Variants in SEZ6L observed in about 807,000 individuals in gnomAD.
SEZ6L encodes the protein seizure 6-like protein.
In SEZ6L, 37 loss-of-function variants were observed where a neutral mutation model predicts 106.2. The ratio of observed to expected loss-of-function variants is 0.35; its 90% CI spans 0.27 to 0.46. The LOEUF (loss-of-function observed/expected upper bound fraction) is 0.46, where lower values mean the gene tolerates loss of function less well. Ranked by LOEUF, SEZ6L falls within the 20% of genes least tolerant of loss-of-function variation. The pLI is 1.00. For missense variants in SEZ6L, 1,172 were observed against 1,332.8 expected (o/e 0.88, Z 1.88); for synonymous variants, 541 against 570.4 (o/e 0.95, Z 0.73).
chr22:26,217,291 A>G (rs1285867628), intron 1 of SEZ6L, among the ~76,000 whole-genome samples: 1 of 151,530 alleles, frequency 6.6e-6, no homozygotes, highest in Non-Finnish European at 1.5e-5. Flanking sequence ...CCAAACCCAG[A>G]CTCTTCTTTG....
chr22:26,278,829 CAG>C (rs1218698464), intron 1 of SEZ6L, among the ~76,000 whole-genome samples: 1 of 94,032 alleles, frequency 1.1e-5, no homozygotes, highest in African/African-American at 4.2e-5. Flanking sequence ...GAGAAAGAAA[CAG>C]AAAAAGAAAA....
At chr22:26,319,686 C>T (rs766616387) in intron 9 of SEZ6L, among the ~76,000 whole-genome samples, 1 of 152,186 alleles carries the variant, frequency 6.6e-6, no homozygotes, top group Admixed American at 6.6e-5. Flanking sequence ...TAACACACTA[C>T]GCATTGTGGT....
chr22:26,292,787 C>T lies in SEZ6L; in HGVS notation c.476C>T (p.Ser159Phe), dbSNP rs373898124. ...PASQGLDLLS[S>F]STEKPGPPGD... The stretch of plus-strand genomic sequence containing the variant: ...TCCCAGGGCCTAGATCTCCTCTCCT[C>T]CTCCACGGAGAAGCCTGGCCCACCG... Residue 159 changes from serine to phenylalanine, a missense_variant, in exon 2 of 17, where the codon TCC (serine) becomes TTC (phenylalanine). Coordinates refer to ENST00000248933, the MANE Select transcript of SEZ6L (RefSeq NM_021115.5). 3 of 1,614,032 alleles carry T rather than the reference C, an allele frequency of 1.9e-6. No homozygotes were observed. Among genetic ancestry groups the T allele is most frequent in the South Asian group, 1.1e-5 (1 of 91,092 alleles).
intron 1 of SEZ6L, among the ~76,000 whole-genome samples, chr22:26,269,479 C>T (rs1393580169): frequency 6.6e-6 from 1 of 151,924 alleles, no homozygotes; most frequent in African/African-American, 2.4e-5. Flanking sequence ...AAGATTGGAA[C>T]CCTAACCTCG....
At chr22:26,266,222 C>G (rs1352853067) in intron 1 of SEZ6L, among the ~76,000 whole-genome samples, 2 of 151,092 alleles carry the variant, frequency 1.3e-5, no homozygotes, top group African/African-American at 4.9e-5. Context: ...CAGAGATGAT[C>G]TGTGACTATT....
intron 13 of SEZ6L, among the ~76,000 whole-genome samples, chr22:26,372,375 T>G (rs2084066426): frequency 6.6e-6 from 1 of 152,210 alleles, no homozygotes; most frequent in African/African-American, 2.4e-5. Context: ...ACGGTGCAAC[T>G]CACATCTTGG....
chr22:26,374,423 C>T (rs1204973232), intron 14 of SEZ6L, among the ~76,000 whole-genome samples: 4 of 151,894 alleles, frequency 2.6e-5, no homozygotes, highest in African/African-American at 4.8e-5. Flanking sequence ...TGAATCCAAG[C>T]AGGTGGAACT....
intron 1 of SEZ6L, among the ~76,000 whole-genome samples, chr22:26,243,703 T>C (rs2079217099): frequency 2.0e-5 from 3 of 152,008 alleles, no homozygotes; most frequent in South Asian, 2.1e-4. Context: ...TGAGAAGAGA[T>C]TATAAAAAGG....
chr22:26,175,939 T>A (rs1023207093), intron 1 of SEZ6L, among the ~76,000 whole-genome samples: 1 of 152,220 alleles, frequency 6.6e-6, no homozygotes, highest in Non-Finnish European at 1.5e-5. Context: ...AAATCAGTCC[T>A]TGAGGAAGTA....
chr22:26,335,600 T>G (rs1400365360), intron 9 of SEZ6L, among the ~76,000 whole-genome samples: 3 of 152,102 alleles, frequency 2.0e-5, no homozygotes, highest in Non-Finnish European at 4.4e-5. Flanking sequence ...TTTGCTGGGG[T>G]TCTATCACCC....
chr22:26,373,862 G>T (rs1309367355), intron 14 of SEZ6L, among the ~76,000 whole-genome samples: 1 of 152,174 alleles, frequency 6.6e-6, no homozygotes, highest in African/African-American at 2.4e-5. Context: ...CTGGTTTCCA[G>T]AGGGAAGAGT....
intron 11 of SEZ6L, among the ~76,000 whole-genome samples, chr22:26,348,626 A>G (rs1317086804): frequency 5.2e-4 from 18 of 34,796 alleles, no homozygotes; most frequent in African/African-American, 9.6e-4. Flanking sequence ...GAAAGAAAGA[A>G]AGAAAGAAAG....
chr22:26,248,170 G>A (rs1011995388), intron 1 of SEZ6L, among the ~76,000 whole-genome samples: 8 of 152,188 alleles, frequency 5.3e-5, no homozygotes, highest in Admixed American at 4.6e-4. Flanking sequence ...CAGGTAGTTC[G>A]TAGAAGTCAC....
At chr22:26,188,639 G>A (rs563290416) in intron 1 of SEZ6L, among the ~76,000 whole-genome samples, 10 of 152,232 alleles carry the variant, frequency 6.6e-5, no homozygotes, top group African/African-American at 2.4e-4. Flanking sequence ...CTAGGTATTC[G>A]GCACTCTGTA....
chr22:26,298,569 A>T (rs7292327), intron 4 of SEZ6L, among the ~76,000 whole-genome samples: 32,070 of 152,108 alleles, frequency 0.21, 3,709 homozygotes, highest in African/African-American at 0.3. Flanking sequence ...TCCTTGGGCA[A>T]TTCCCAAAGA....
At chr22:26,375,203 C>T (rs145466334) in intron 14 of SEZ6L, among the ~76,000 whole-genome samples, 27 of 152,284 alleles carry the variant, frequency 1.8e-4, no homozygotes, top group Admixed American at 7.8e-4. Context: ...CTTCTCCACT[C>T]CATGGAATGT....
chr22:26,359,671 G>C (rs2083548826), intron 12 of SEZ6L, among the ~76,000 whole-genome samples: 1 of 152,114 alleles, frequency 6.6e-6, no homozygotes, highest in African/African-American at 2.4e-5. Context: ...CAGGCATGAT[G>C]GTGCACGCCA....
intron 1 of SEZ6L, among the ~76,000 whole-genome samples, chr22:26,279,191 T>A (rs940205315): frequency 1.3e-5 from 2 of 152,180 alleles, no homozygotes; most frequent in Non-Finnish European, 1.5e-5. Flanking sequence ...GGCAAGTTTT[T>A]TGAGTGTTGA....
intron 11 of SEZ6L, among the ~76,000 whole-genome samples, chr22:26,348,646 A>AAGAAAGAGAAAGAAAG (rs1556371589): frequency 5.2e-4 from 4 of 7,694 alleles, no homozygotes; most frequent in East Asian, 0.01. Flanking sequence ...GAAAGAAAGA[A>AAGAAAGAGAAAGAAAG]AAAGAAAGAA....
Sources: gnomAD v4.1 joint callset for allele counts (sites outside exome capture counted in the v4.1 genomes callset) on GRCh38, gnomAD v4.1.1 for gene constraint, MANE v1.5 for transcripts, NCBI Gene and HGNC (gene_info 2026-07-23, HGNC 2026-07-21) for gene names.